Variants in SRGAP3 observed in about 807,000 individuals in gnomAD.
The protein encoded by SRGAP3 is SLIT-ROBO Rho GTPase activating protein 3.
Under a neutral mutation model 121.1 loss-of-function variants are expected in SRGAP3, and 39 were observed. The observed-to-expected ratio is 0.32, with a 90% CI of 0.25 to 0.42. The LOEUF is 0.42. SRGAP3 is among the 10% of genes least tolerant of loss of function. The probability of loss-of-function intolerance (pLI) is 1.00; values close to 1 mark genes in which losing one functional copy is unlikely to be tolerated. For synonymous variants in SRGAP3, 601 were observed against 570.0 expected, an observed-to-expected ratio of 1.05 and a Z score of -0.77; for missense variants, 1,213 against 1,470.6, an observed-to-expected ratio of 0.82 and a Z score of 2.86.
chr3:9,348,844 C>G (rs2029896040), intron 1 of SRGAP3: 2 of 1,323,600 alleles, frequency 1.5e-6, no homozygotes, highest in Non-Finnish European at 2.2e-6. Context: ...TCTACAACAT[C>G]AGTAAGGATC....
At chr3:9,337,973 G>T (rs893613931) in intron 1 of SRGAP3, among the ~76,000 whole-genome samples, 2 of 152,180 alleles carry the variant, frequency 1.3e-5, no homozygotes, top group Non-Finnish European at 2.9e-5. Context: ...AATCTCCCAT[G>T]GAACTAAAGT....
chr3:9,259,134 T>C (rs1053787818), intron 3 of SRGAP3, among the ~76,000 whole-genome samples: 3 of 152,204 alleles, frequency 2.0e-5, no homozygotes, highest in African/African-American at 7.2e-5. Flanking sequence ...CCCCGGGTCC[T>C]GGCTCCTGCG....
intron 14 of SRGAP3, among the ~76,000 whole-genome samples, chr3:9,019,364 G>A (rs534199637): frequency 6.6e-6 from 1 of 152,338 alleles, no homozygotes; most frequent in East Asian, 1.9e-4. Flanking sequence ...CCCTGCCCCT[G>A]GCATATCATC....
chr3:9,285,594 G>C (rs1309534608), intron 3 of SRGAP3, among the ~76,000 whole-genome samples: 1 of 152,028 alleles, frequency 6.6e-6, no homozygotes, highest in African/African-American at 2.4e-5. Flanking sequence ...ACACTTACTT[G>C]TTCCACAACC....
At chr3:9,049,617 G>C (rs1454327676) in intron 9 of SRGAP3, 5 of 407,962 alleles carry the variant, frequency 1.2e-5, no homozygotes, top group African/African-American at 1.0e-4. Context: ...AGAGGGCCAG[G>C]GGCTTGTAAC....
intron 3 of SRGAP3, among the ~76,000 whole-genome samples, chr3:9,087,509 G>A (rs976111713): frequency 6.6e-6 from 1 of 152,212 alleles, no homozygotes; most frequent in African/African-American, 2.4e-5. Flanking sequence ...GGTGTGATGT[G>A]AGATGAAGTG....
At chr3:9,047,296 G>T in intron 10 of SRGAP3, 95 bp downstream of exon 10, 1 of 1,315,934 alleles carries the variant, frequency 7.6e-7, no homozygotes, top group South Asian at 1.2e-5. Context: ...GGTGCCTGCT[G>T]TCTCAAGCCT....
chr3:9,154,544 C>T (rs886468444), intron 1 of SRGAP3, among the ~76,000 whole-genome samples: 1 of 152,016 alleles, frequency 6.6e-6, no homozygotes, highest in African/African-American at 2.4e-5. Context: ...TACTTAAATT[C>T]CATCCTTCCT....
intron 1 of SRGAP3, among the ~76,000 whole-genome samples, chr3:9,181,270 G>A (rs557014070): frequency 6.6e-6 from 1 of 152,170 alleles, no homozygotes; most frequent in Admixed American, 6.5e-5. Context: ...GAAATTTCCA[G>A]CATAGGCCAT....
intron 3 of SRGAP3, among the ~76,000 whole-genome samples, chr3:9,094,638 G>A (rs775366702): frequency 2.6e-5 from 4 of 152,084 alleles, no homozygotes; most frequent in Non-Finnish European, 5.9e-5. Context: ...CAGCACTTAG[G>A]ATTGTTTTAC....
chr3:9,333,840 T>C (rs951314928), intron 1 of SRGAP3, among the ~76,000 whole-genome samples: 21 of 152,108 alleles, frequency 1.4e-4, no homozygotes, highest in African/African-American at 4.8e-4. Context: ...TAAATTCAAA[T>C]CAACAATTAC....
At chr3:9,107,138 C>T (rs546753882) in intron 2 of SRGAP3, among the ~76,000 whole-genome samples, 4 of 152,302 alleles carry the variant, frequency 2.6e-5, no homozygotes, top group Admixed American at 2.0e-4. Flanking sequence ...GTGAAACAAC[C>T]AGATTTCTCC....
At chr3:9,235,976 C>G (rs1002864489) in intron 1 of SRGAP3, 1 of 157,100 alleles carries the variant, frequency 6.4e-6, no homozygotes, top group Admixed American at 6.5e-5. Context: ...AAATACGACT[C>G]TCATCCATAC....
intron 4 of SRGAP3, among the ~76,000 whole-genome samples, chr3:9,074,099 C>T (rs1328583773): frequency 1.3e-5 from 2 of 152,020 alleles, no homozygotes; most frequent in Non-Finnish European, 1.5e-5. Context: ...AAGTATGGAG[C>T]CAGCATCACA....
chr3:9,294,176 T>C (rs1355199494), intron 3 of SRGAP3, among the ~76,000 whole-genome samples: 1 of 152,130 alleles, frequency 6.6e-6, no homozygotes, highest in Non-Finnish European at 1.5e-5. Context: ...ATACACACCA[T>C]AGAATACTAT....
At chr3:9,125,017 C>T in intron 1 of SRGAP3, 100 bp from the exon 2 acceptor site, 1 of 1,353,268 alleles carries the variant, frequency 7.4e-7, no homozygotes, top group Admixed American at 1.8e-5. Flanking sequence ...CAGGCAGCTC[C>T]CTCCTAACAC....
intron 1 of SRGAP3, among the ~76,000 whole-genome samples, chr3:9,180,794 G>C (rs561489578): frequency 2.6e-4 from 40 of 152,210 alleles, no homozygotes; most frequent in African/African-American, 9.4e-4. Context: ...TAGATCCTGA[G>C]TTGAACATGG....
chr3:9,097,311 A>G (rs1575069550), intron 3 of SRGAP3, among the ~76,000 whole-genome samples: 1 of 152,160 alleles, frequency 6.6e-6, no homozygotes, highest in East Asian at 1.9e-4. Context: ...AATATTATTT[A>G]TAGATTGTTT....
rs140889503 is a variant in SRGAP3 at position 8,988,868 on chromosome 3, A to G, written c.2886+1644T>C. On this transcript the variant is annotated intron_variant, in intron 21 of 21. Coordinates refer to ENST00000383836, the MANE Select transcript of SRGAP3 (RefSeq NM_014850.4). ...AGGGTTCACGGCCTGTGAAGATCTA[A>G]TGCCCCCGCTGATCTGACAGGAGGC... 1.7e-4 allele frequency among the ~76,000 whole-genome samples: 26 copies of G among 152,274 alleles called. No individual in the cohort carries two copies. In the East Asian group the frequency reaches 5.0e-3, roughly 29 times the overall value.
Sources: allele counts gnomAD v4.1 joint callset (sites outside exome capture counted in the v4.1 genomes callset), GRCh38; gene constraint gnomAD v4.1.1; transcripts MANE v1.5; gene names NCBI Gene and HGNC (gene_info 2026-07-23, HGNC 2026-07-21).